The following ANO6 variants were observed in gnomAD, a reference collection of about 807,000 sequenced individuals.
ANO6 encodes anoctamin-6.
In ANO6, 106 loss-of-function variants were observed where a neutral mutation model predicts 117.5. That is an observed-to-expected ratio of 0.90 (90% CI 0.77 to 1.06). The LOEUF (loss-of-function observed/expected upper bound fraction) is 1.06, where lower values mean the gene tolerates loss of function less well. Among genes scored for constraint, ANO6 ranks in the 50% least tolerant of loss-of-function variants. The probability of loss-of-function intolerance (pLI) is 0.00; values close to 1 mark genes in which losing one functional copy is unlikely to be tolerated. For missense variants in ANO6, 955 were observed against 1,121.1 expected, an observed-to-expected ratio of 0.85 and a Z score of 2.12; for synonymous variants, 367 against 385.1, an observed-to-expected ratio of 0.95 and a Z score of 0.55.
At chr12:45,340,309 C>T (rs1940944563) in intron 3 of ANO6, among the ~76,000 whole-genome samples, 1 of 152,086 alleles carries the variant, frequency 6.6e-6, no homozygotes, top group East Asian at 1.9e-4. Context: ...TCACCTTGAA[C>T]CTCCAGTACC....
chr12:45,252,510 GT>G (rs1937654933), intron 1 of ANO6, among the ~76,000 whole-genome samples: 1 of 152,086 alleles, frequency 6.6e-6, no homozygotes, highest in South Asian at 2.1e-4. Context: ...GTTAACTACT[GT>G]TTTTATGAGC....
chr12:45,237,662 C>T (rs1360912715), intron 1 of ANO6, among the ~76,000 whole-genome samples: 3 of 152,292 alleles, frequency 2.0e-5, no homozygotes, highest in East Asian at 3.9e-4. Flanking sequence ...TAGCGTGATG[C>T]CTCCAGCTTT....
At chr12:45,270,594 GA>G in intron 1 of ANO6, 1 of 529,240 alleles carries the variant, frequency 1.9e-6, no homozygotes, top group Non-Finnish European at 3.3e-6. Context: ...TCAGTTCCGG[GA>G]GAACAGGCCT....
At chr12:45,414,285 G>A (rs759753694) in intron 16 of ANO6, among the ~76,000 whole-genome samples, 5 of 151,914 alleles carry the variant, frequency 3.3e-5, no homozygotes, top group Admixed American at 1.3e-4. Flanking sequence ...GGTGTTTTGC[G>A]TTGACTTTTT....
intron 8 of ANO6, among the ~76,000 whole-genome samples, chr12:45,357,746 C>T (rs1009657245): frequency 3.0e-4 from 46 of 152,188 alleles, no homozygotes; most frequent in African/African-American, 1.1e-3. Context: ...GGAATGTACA[C>T]TCAGCCCTGC....
rs780837513 is a variant in ANO6, at chr12:45,429,279, G to A, written c.2701G>A (p.Val901Ile). ...GVIAERMIEA[V>I]DNNLRPKSE Reference sequence around the variant, plus strand: ...GATAGCTGAGCGGATGATAGAAGCAGTAGATAACAATTTACGGCCAAAATC... The same window carrying A: ...GATAGCTGAGCGGATGATAGAAGCAATAGATAACAATTTACGGCCAAAATC... The change falls in exon 20 of 20, where the codon GTA becomes ATA. Residue 901 changes from valine (V) to isoleucine (I), a missense_variant. Physicochemically the swap from Val to Ile is conservative, Grantham distance 29. Coordinates refer to ENST00000320560, the MANE Select transcript of ANO6 (RefSeq NM_001025356.3). 1.9e-6 allele frequency: 3 copies of A among 1,613,750 alleles called. No individual in the cohort carries two copies. Among genetic ancestry groups the A allele is most frequent in the Non-Finnish European group, 2.5e-6 (3 of 1,179,832 alleles).
downstream of ANO6, among the ~76,000 whole-genome samples, chr12:45,434,961 C>A (rs1943691199): frequency 6.6e-6 from 1 of 152,198 alleles, no homozygotes; most frequent in Non-Finnish European, 1.5e-5. Context: ...GAGGATAAAT[C>A]ATTGCATTGC....
At chr12:45,243,893 A>G (rs1947783235) in intron 1 of ANO6, among the ~76,000 whole-genome samples, 1 of 152,218 alleles carries the variant, frequency 6.6e-6, no homozygotes, top group Non-Finnish European at 1.5e-5. Context: ...ATTAACAGAG[A>G]TTCAGGCATA....
intron 1 of ANO6, among the ~76,000 whole-genome samples, chr12:45,281,481 A>G (rs936746559): frequency 6.6e-6 from 1 of 152,232 alleles, no homozygotes; most frequent in Non-Finnish European, 1.5e-5. Flanking sequence ...GGAGCTTACA[A>G]TCATGGCGGA....
intron 12 of ANO6, among the ~76,000 whole-genome samples, chr12:45,396,780 G>A (rs9804811): frequency 0.014 from 2,104 of 152,168 alleles, 49 homozygotes; most frequent in African/African-American, 0.048. Context: ...CTGGCTAGCC[G>A]TATGTAGAAA....
At chr12:45,258,216 C>T (rs920312431) in intron 1 of ANO6, among the ~76,000 whole-genome samples, 1 of 152,158 alleles carries the variant, frequency 6.6e-6, no homozygotes, top group African/African-American at 2.4e-5. Flanking sequence ...GAGGATAATG[C>T]ATGTAGTGTA....
chr12:45,280,033 G>T (rs1267107596), intron 1 of ANO6, among the ~76,000 whole-genome samples: 1 of 152,194 alleles, frequency 6.6e-6, no homozygotes, highest in East Asian at 1.9e-4. Flanking sequence ...AGCACACTTG[G>T]ATTCATGTTC....
At position 45,403,468 on chromosome 12, in the gene ANO6, G is replaced by T. The variant is rs373047778; in HGVS notation, c.1812G>T (p.Leu604=). 16 of 1,613,772 alleles carry T rather than the reference G, an allele frequency of 9.9e-6. No individual in the cohort carries two copies. Among genetic ancestry groups the T allele is most frequent in the Admixed American group, 3.3e-5 (2 of 59,998 alleles). The stretch of plus-strand genomic sequence containing the variant: ...ACCCAGGTGGCTGTCTTCTTGAACT[G>T]ACAACTCAGCTGACAATAATCATGG... The part of the protein sequence containing the change: ...ECDPGGCLLE[L]TTQLTIIMGG... The change falls in exon 15 of 20, where the codon CTG becomes CTT. Residue 604 remains leucine, a synonymous_variant. Transcript: ENST00000320560.
At chr12:45,263,670 TG>T (rs1253318354) in intron 1 of ANO6, among the ~76,000 whole-genome samples, 1 of 152,068 alleles carries the variant, frequency 6.6e-6, no homozygotes, top group Non-Finnish European at 1.5e-5. Context: ...ACATGAAGAA[TG>T]GGGGCTGAGA....
Position 45,216,310 on chromosome 12 carries a change from T to G in ANO6, c.-12T>G, listed in dbSNP as rs532387949. The stretch of plus-strand genomic sequence containing the variant: ...CTTCGCGCCAAGTTCGGAGCCGCCT[T>G]CTGAGGGAGACATGAAAAAGATGAG... On this transcript the variant is annotated 5_prime_UTR_variant, in exon 1 of 20. Transcript: ENST00000320560. 11 of 1,605,176 alleles carry G rather than the reference T, an allele frequency of 6.9e-6. No individual in the cohort carries two copies. Among genetic ancestry groups the G allele is most frequent in the Non-Finnish European group, 9.4e-6 (11 of 1,175,638 alleles).
intron 2 of ANO6, among the ~76,000 whole-genome samples, chr12:45,312,817 G>T (rs957952449): frequency 2.0e-5 from 3 of 151,972 alleles, no homozygotes; most frequent in Non-Finnish European, 4.4e-5. Context: ...TCCATTAATT[G>T]TAATGGGCAA....
At chr12:45,294,023 G>A (rs1275044264) in intron 1 of ANO6, among the ~76,000 whole-genome samples, 1 of 152,128 alleles carries the variant, frequency 6.6e-6, no homozygotes, top group Non-Finnish European at 1.5e-5. Flanking sequence ...CACATAAGCA[G>A]TGACATTGAA....
At chr12:45,257,606 T>C (rs1937881574) in intron 1 of ANO6, among the ~76,000 whole-genome samples, 1 of 152,188 alleles carries the variant, frequency 6.6e-6, no homozygotes, top group Non-Finnish European at 1.5e-5. Context: ...AATTCTGCCT[T>C]CCATGTTTCC....
At chr12:45,292,834 A>C (rs1939147186) in intron 1 of ANO6, 1 of 1,532,522 alleles carries the variant, frequency 6.5e-7, no homozygotes, top group Non-Finnish European at 8.8e-7. Flanking sequence ...AAATCTTCAG[A>C]GTTGTCACTT....
Sources: gnomAD v4.1 joint callset for allele counts (sites outside exome capture counted in the v4.1 genomes callset) on GRCh38, gnomAD v4.1.1 for gene constraint, MANE v1.5 for transcripts, NCBI Gene and HGNC (gene_info 2026-07-23, HGNC 2026-07-21) for gene names.